Variants in LRRC63 observed in about 807,000 individuals in gnomAD.
The protein encoded by LRRC63 is leucine-rich repeat-containing protein 63.
A neutral mutation model predicts 49.5 loss-of-function variants in LRRC63; 40 were observed. The ratio of observed to expected loss-of-function variants is 0.81; its 90% confidence interval spans 0.63 to 1.05. LRRC63 has a LOEUF of 1.05. Ranked by LOEUF, LRRC63 falls within the 50% of genes least tolerant of loss-of-function variation. The pLI is 0.00. For synonymous variants in LRRC63, 191 were observed against 221.1 expected (o/e 0.86, Z 1.21); for missense variants, 636 against 663.1 (o/e 0.96, Z 0.45).
intron 6 of LRRC63, 35 bp downstream of exon 6, chr13:46,246,660 C>T: frequency 1.1e-6 from 1 of 939,700 alleles, no homozygotes. Flanking sequence ...ACTGATATAA[C>T]TTGTCGTGAA....
chr13:46,240,061 A>G (rs2138469283), intron 5 of LRRC63, among the ~76,000 whole-genome samples: 1 of 152,228 alleles, frequency 6.6e-6, no homozygotes, highest in Non-Finnish European at 1.5e-5. Context: ...AATGGGCAAA[A>G]ATTGGAAGCA....
At chr13:46,228,692 T>C (rs1397678172) in exon 4 of LRRC63, 3 of 1,546,162 alleles carry the variant, frequency 1.9e-6, no homozygotes, top group Admixed American at 2.0e-5. Flanking sequence ...AATGGAAATA[T>C]AGAAAGTGTC....
At chr13:46,255,645 A>AAAAAAAAAAAAAATATATATATAT (rs1555328641) in intron 7 of LRRC63, among the ~76,000 whole-genome samples, 57 of 129,436 alleles carry the variant, frequency 4.4e-4, no homozygotes, top group African/African-American at 1.6e-3. Flanking sequence ...CCCTGCCTCA[A>AAAAAAAAAAAAAATATATATATAT]ATATATATAT....
chr13:46,244,357 A>T (rs1174689434), intron 5 of LRRC63, among the ~76,000 whole-genome samples: 2 of 152,178 alleles, frequency 1.3e-5, no homozygotes, highest in Non-Finnish European at 2.9e-5. Flanking sequence ...TAAGGCACAT[A>T]TTGTGATCCT....
intron 5 of LRRC63, among the ~76,000 whole-genome samples, chr13:46,236,506 G>C (rs754583922): frequency 3.3e-5 from 5 of 152,130 alleles, no homozygotes; most frequent in Non-Finnish European, 7.4e-5. Flanking sequence ...AGGCAAGAAA[G>C]GAATGGGATG....
intron 8 of LRRC63, among the ~76,000 whole-genome samples, chr13:46,263,984 A>G (rs1264797695): frequency 6.6e-6 from 1 of 152,200 alleles, no homozygotes; most frequent in African/African-American, 2.4e-5. Context: ...CTGAATCTTT[A>G]ACCCTGACAA....
chr13:46,241,278 G>T (rs1300091968), intron 5 of LRRC63, among the ~76,000 whole-genome samples: 1 of 152,136 alleles, frequency 6.6e-6, no homozygotes, highest in Non-Finnish European at 1.5e-5. Flanking sequence ...ATATGCAGAA[G>T]ATTGAAACTG....
At chr13:46,236,604 A>G (rs61949184) in intron 5 of LRRC63, among the ~76,000 whole-genome samples, 7,243 of 152,226 alleles carry the variant, frequency 0.048, 223 homozygotes, top group Non-Finnish European at 0.071. Context: ...AGGAGTAATT[A>G]AGACATTCCC....
chr13:46,223,372 T>A (rs1230837862), intron 2 of LRRC63, among the ~76,000 whole-genome samples: 1 of 152,126 alleles, frequency 6.6e-6, no homozygotes, highest in African/African-American at 2.4e-5. Context: ...GCGTCACTCT[T>A]GGTTGTAACA....
chr13:46,232,680 A>G (rs1263217503), intron 4 of LRRC63, among the ~76,000 whole-genome samples: 2 of 152,194 alleles, frequency 1.3e-5, no homozygotes, highest in Non-Finnish European at 1.5e-5. Context: ...TATTATCCAG[A>G]CTTCTTAAAA....
At chr13:46,236,696 G>A (rs2046914104) in intron 5 of LRRC63, among the ~76,000 whole-genome samples, 1 of 152,132 alleles carries the variant, frequency 6.6e-6, no homozygotes, top group Admixed American at 6.5e-5. Context: ...GCTACAGTGA[G>A]AGAACATTAG....
rs1278095130 is a variant in LRRC63, at chr13:46,250,343, T to C, written c.1090-12T>C. 6.8e-7 allele frequency: 1 copy of C among 1,477,092 alleles called. No homozygotes were observed. Among genetic ancestry groups the C allele is most frequent in the Admixed American group, 2.2e-5 (1 of 44,714 alleles). The allele number at this position is 1,477,092 out of a possible 1,614,324, so 91.5% of individuals were successfully genotyped here. A position where few individuals can be genotyped will look rare whatever the true frequency, so the allele number is the denominator to read the frequency against. ...ATTCCGCTCATGTTTGTTTCTCTTT[T>C]CTGTTCCCCAGATATTATGTCTTAA... On this transcript the variant is annotated splice_polypyrimidine_tract_variant and intron_variant, in intron 6 of 9. Transcript: ENST00000595396.
chr13:46,252,199 T>TTA (rs1327397404), intron 7 of LRRC63, among the ~76,000 whole-genome samples: 2 of 151,996 alleles, frequency 1.3e-5, no homozygotes, highest in East Asian at 3.8e-4. Context: ...AGGAGGGCAC[T>TTA]TATACAGTGA....
At chr13:46,269,729 A>C (rs2047729250) in intron 9 of LRRC63, among the ~76,000 whole-genome samples, 1 of 150,216 alleles carries the variant, frequency 6.7e-6, no homozygotes, top group Non-Finnish European at 1.5e-5. Context: ...CTATCAATGA[A>C]ATTAAAAGAC....
chr13:46,219,035 T>G (rs1594002471), intron 2 of LRRC63, among the ~76,000 whole-genome samples: 1 of 152,170 alleles, frequency 6.6e-6, no homozygotes, highest in East Asian at 1.9e-4. Context: ...GCCTTAACAT[T>G]TTTTCCTTCA....
At chr13:46,258,634 C>T (rs1462250441) in intron 7 of LRRC63, among the ~76,000 whole-genome samples, 6 of 149,862 alleles carry the variant, frequency 4.0e-5, no homozygotes, top group East Asian at 2.0e-4. Context: ...ATGGTGAAAC[C>T]CCATCTCTAC....
chr13:46,269,118 T>A (rs2047720883), intron 9 of LRRC63, among the ~76,000 whole-genome samples: 1 of 151,690 alleles, frequency 6.6e-6, no homozygotes, highest in South Asian at 2.1e-4. Context: ...GCGATTCTGG[T>A]GAAGATGCCA....
intron 9 of LRRC63, among the ~76,000 whole-genome samples, chr13:46,271,959 A>G (rs143853632): frequency 4.6e-4 from 70 of 152,176 alleles, no homozygotes; most frequent in African/African-American, 1.5e-3. Context: ...CTAATAAAAT[A>G]ATAATAACTA....
chr13:46,234,391 C>A, intron 5 of LRRC63, 42 bp downstream of exon 5: 1 of 1,516,498 alleles, frequency 6.6e-7, no homozygotes, highest in South Asian at 1.2e-5. Flanking sequence ...CCTGTATTAT[C>A]AATTATTTTT....
Sources: allele counts gnomAD v4.1 joint callset (sites outside exome capture counted in the v4.1 genomes callset), GRCh38; gene constraint gnomAD v4.1.1; transcripts MANE v1.5; gene names NCBI Gene and HGNC (gene_info 2026-07-23, HGNC 2026-07-21).